HNRNPLL: variants seen among roughly 807,000 people sequenced by gnomAD.
HNRNPLL encodes heterogeneous nuclear ribonucleoprotein L-like.
In HNRNPLL, 25 loss-of-function variants were observed where a neutral mutation model predicts 67.1. The observed-to-expected ratio is 0.37, with a 90% confidence interval of 0.27 to 0.52. The LOEUF (loss-of-function observed/expected upper bound fraction) is 0.52. HNRNPLL is among the 20% of genes least tolerant of loss of function. The pLI is 0.90. For missense variants in HNRNPLL, 542 were observed against 673.9 expected, an observed-to-expected ratio of 0.80 and a Z score of 2.17; for synonymous variants, 267 against 241.7, an observed-to-expected ratio of 1.10 and a Z score of -0.97.
chr2:38,563,741 C>G lies in HNRNPLL; in HGVS notation c.*441G>C, dbSNP rs1315220725. The stretch of plus-strand genomic sequence containing the variant: ...AAACTTCATTAAAATAATAAATATA[C>G]AAGTTATGTTTAATATGAGTAACTG... On this transcript the variant is annotated 3_prime_UTR_variant, in exon 13 of 13. Coordinates refer to ENST00000449105, the MANE Select transcript of HNRNPLL (RefSeq NM_138394.4). 3 of 153,876 alleles carry G rather than the reference C, an allele frequency of 1.9e-5. No homozygotes were observed. Among genetic ancestry groups the G allele is most frequent in the African/African-American group, 7.2e-5 (3 of 41,430 alleles). The allele number at this position is 153,876 out of a possible 1,614,324, so 9.5% of individuals were successfully genotyped here. A position where few individuals can be genotyped will look rare whatever the true frequency, so the allele number is the denominator to read the frequency against.
intron 3 of HNRNPLL, among the ~76,000 whole-genome samples, chr2:38,584,352 T>C (rs2148363313): frequency 6.6e-6 from 1 of 152,296 alleles, no homozygotes; most frequent in South Asian, 2.1e-4. Flanking sequence ...TGAGCCACCA[T>C]GCTGGCCTAA....
chr2:38,574,162 G>C (rs1666207968), intron 7 of HNRNPLL, among the ~76,000 whole-genome samples: 1 of 151,840 alleles, frequency 6.6e-6, no homozygotes, highest in African/African-American at 2.4e-5. Flanking sequence ...GCTAACTTTA[G>C]AGTAGCTTTA....
intron 3 of HNRNPLL, among the ~76,000 whole-genome samples, chr2:38,584,911 AAATAT>A (rs1666665332): frequency 6.6e-6 from 1 of 151,880 alleles, no homozygotes; most frequent in South Asian, 2.1e-4. Flanking sequence ...CGAATATTAT[AAATAT>A]ATTACTATAT....
chr2:38,594,938 T>C (rs1169567552), intron 1 of HNRNPLL, among the ~76,000 whole-genome samples: 2 of 149,308 alleles, frequency 1.3e-5, no homozygotes, highest in Non-Finnish European at 3.0e-5. Flanking sequence ...AGCCTCCATC[T>C]CAAAAAAAAG....
At chr2:38,568,503 C>G (rs114311356) in intron 10 of HNRNPLL, 60 bp from the exon 11 acceptor site, 1 of 1,120,484 alleles carries the variant, frequency 8.9e-7, no homozygotes, top group Non-Finnish European at 1.3e-6. Flanking sequence ...CACTTTTTTA[C>G]AGAAAGTAAA....
chr2:38,602,363 G>A, intron 1 of HNRNPLL, 75 bp downstream of exon 1: 2 of 1,395,054 alleles, frequency 1.4e-6, no homozygotes, highest in East Asian at 2.5e-5. Context: ...TGAAGCAAGC[G>A]GGAGGCCCCG....
chr2:38,580,005 G>C (rs1012687306), intron 6 of HNRNPLL, among the ~76,000 whole-genome samples: 1 of 152,070 alleles, frequency 6.6e-6, no homozygotes, highest in African/African-American at 2.4e-5. Context: ...AAACTTATCT[G>C]ACTAGAATTA....
intron 10 of HNRNPLL, 89 bp downstream of exon 10, chr2:38,569,044 A>G: frequency 1.1e-6 from 1 of 915,122 alleles, no homozygotes; most frequent in Non-Finnish European, 1.8e-6. Flanking sequence ...AAGCAAAAGA[A>G]TGAGCAAAAC....
intron 12 of HNRNPLL, among the ~76,000 whole-genome samples, chr2:38,565,720 C>T (rs1260705790): frequency 2.7e-5 from 3 of 111,992 alleles, no homozygotes; most frequent in African/African-American, 1.1e-4. Flanking sequence ...TGAGCAAGAC[C>T]CTGTCTCAAA....
At chr2:38,581,641 A>C (rs1666532417) in intron 6 of HNRNPLL, 1 of 512,456 alleles carries the variant, frequency 2.0e-6, no homozygotes, top group Non-Finnish European at 3.4e-6. Context: ...AAAGAGAGAG[A>C]GCTGCTTGGA....
At chr2:38,566,047 C>A (rs950557238) in intron 12 of HNRNPLL, 3 of 987,808 alleles carry the variant, frequency 3.0e-6, no homozygotes, top group Non-Finnish European at 3.6e-6. Context: ...CCCTGGAGAT[C>A]CAGGATCAAA....
chr2:38,596,494 GTGAT>G, intron 1 of HNRNPLL, among the ~76,000 whole-genome samples: 1 of 152,172 alleles, frequency 6.6e-6, no homozygotes, highest in Non-Finnish European at 1.5e-5. Context: ...TTGGCCTCAA[GTGAT>G]CCACCTGCCT....
intron 7 of HNRNPLL, among the ~76,000 whole-genome samples, chr2:38,575,006 A>G (rs1008615296): frequency 2.6e-5 from 4 of 151,714 alleles, no homozygotes; most frequent in Non-Finnish European, 5.9e-5. Context: ...CACTATCATC[A>G]CACTAAATTT....
chr2:38,575,058 T>C (rs982218658), intron 7 of HNRNPLL, among the ~76,000 whole-genome samples: 3 of 151,822 alleles, frequency 2.0e-5, no homozygotes, highest in Middle Eastern at 3.2e-3. Flanking sequence ...AGACAGGCAG[T>C]GGAAACTTTT....
chr2:38,588,067 C>G (rs1219608151), intron 2 of HNRNPLL, among the ~76,000 whole-genome samples: 1 of 152,028 alleles, frequency 6.6e-6, no homozygotes, highest in African/African-American at 2.4e-5. Context: ...TGAGGCCACC[C>G]CAGAAGCAGA....
chr2:38,572,023 A>C (rs182394264), intron 8 of HNRNPLL, among the ~76,000 whole-genome samples: 91 of 152,270 alleles, frequency 6.0e-4, no homozygotes, highest in African/African-American at 2.1e-3. Flanking sequence ...CTCTATAAAG[A>C]AAGTTAAAAT....
At position 38,602,535 on chromosome 2, in the gene HNRNPLL, T is replaced by C; in HGVS notation, c.92A>G (p.Glu31Gly). 1 of 1,557,614 alleles carries C rather than the reference T, an allele frequency of 6.4e-7. No homozygotes were observed. Reference sequence around the variant, plus strand: ...GCCTTCCTCGGCCGAGTAGTCGATCTCCCCCTCCTCGGTCTTGAGACGCTT... The same window carrying C: ...GCCTTCCTCGGCCGAGTAGTCGATCCCCCCCTCCTCGGTCTTGAGACGCTT... ...QAKRLKTEEG[E>G]IDYSAEEGEN... Residue 31 changes from glutamate (E) to glycine (G), a missense_variant, in exon 1 of 13, where the codon GAG becomes GGG. Physicochemically the swap from Glu to Gly is moderately conservative, Grantham distance 98. This residue lies in a region of HNRNPLL where 127 missense variants were observed against 98.7 expected (regional missense o/e 1.29). Transcript: ENST00000449105.
At chr2:38,569,777 A>G (rs1355541969) in intron 9 of HNRNPLL, 27 bp downstream of exon 9, 1 of 1,186,644 alleles carries the variant, frequency 8.4e-7, no homozygotes, top group East Asian at 2.6e-5. Context: ...TATTTTTTAA[A>G]ATTTATCATT....
chr2:38,587,713 T>C (rs933357387), intron 2 of HNRNPLL, among the ~76,000 whole-genome samples: 1 of 152,248 alleles, frequency 6.6e-6, no homozygotes, highest in Non-Finnish European at 1.5e-5. Context: ...TTTATGTTAT[T>C]ACGCTAATAA....
Sources: allele counts gnomAD v4.1 joint callset (sites outside exome capture counted in the v4.1 genomes callset), GRCh38; gene constraint gnomAD v4.1.1; regional missense constraint gnomAD v4.1.1; transcripts MANE v1.5; gene names NCBI Gene and HGNC (gene_info 2026-07-23, HGNC 2026-07-21).